IQSEC3: variants seen among roughly 807,000 people sequenced by gnomAD.
IQSEC3 encodes the protein IQ motif and SEC7 domain-containing protein 3.
IQSEC3 carries 50 observed loss-of-function variants against 105.4 expected under a neutral mutation model. The observed-to-expected ratio is 0.47, with a 90% CI of 0.38 to 0.60. The LOEUF (loss-of-function observed/expected upper bound fraction) is 0.60, where lower values mean the gene tolerates loss of function less well. Ranked by LOEUF, IQSEC3 falls within the 20% of genes least tolerant of loss-of-function variation. The pLI is 0.00. For missense variants in IQSEC3, 1,415 were observed against 1,630.0 expected (o/e 0.87, Z 2.27); for synonymous variants, 708 against 746.0 (o/e 0.95, Z 0.83).
chr12:157,507 C>T (rs1555094751), intron 6 of IQSEC3, 21 bp from the exon 7 acceptor site: 2 of 1,602,554 alleles, frequency 1.2e-6, no homozygotes, highest in East Asian at 2.2e-5. Flanking sequence ...AGCGTCCGCT[C>T]TGCATCTGAC....
chr12:83,173 G>GT (rs1863804267), intron 1 of IQSEC3, among the ~76,000 whole-genome samples: 2 of 152,206 alleles, frequency 1.3e-5, no homozygotes, highest in Admixed American at 1.3e-4. Flanking sequence ...GCAGCTGAGC[G>GT]TGGCATTGTC....
chr12:136,400 A>G (rs1220149602), intron 3 of IQSEC3, among the ~76,000 whole-genome samples: 1 of 152,144 alleles, frequency 6.6e-6, no homozygotes, highest in Non-Finnish European at 1.5e-5. Context: ...GCTAGCGTGG[A>G]ATGGGGCACC....
At chr12:128,512 GGGAGGGGT>G (rs571120739) in intron 3 of IQSEC3, among the ~76,000 whole-genome samples, 1,875 of 152,204 alleles carry the variant, frequency 0.012, 24 homozygotes, top group Non-Finnish European at 0.019. Flanking sequence ...TCCATGGCCT[GGGAGGGGT>G]GTTGGACAAT....
chr12:171,452 C>A, intron 13 of IQSEC3: 1 of 786,076 alleles, frequency 1.3e-6, no homozygotes, highest in Non-Finnish European at 2.1e-6. Context: ...CACCCTAGGG[C>A]CATCCTTCCT....
At chr12:128,641 G>C (rs1865494081) in intron 3 of IQSEC3, among the ~76,000 whole-genome samples, 1 of 152,044 alleles carries the variant, frequency 6.6e-6, no homozygotes, top group South Asian at 2.1e-4. Flanking sequence ...CTAGCCCCAA[G>C]CCCCACTGAT....
At chr12:144,449 A>ACCCATC (rs1413559623) in intron 5 of IQSEC3, 9 of 152,240 alleles carry the variant, frequency 5.9e-5, no homozygotes, top group Non-Finnish European at 1.3e-4. Context: ...GATATAAATC[A>ACCCATC]CCCATCCCCT....
At chr12:87,724 A>G (rs927387084) in intron 1 of IQSEC3, among the ~76,000 whole-genome samples, 1 of 152,176 alleles carries the variant, frequency 6.6e-6, no homozygotes, top group Admixed American at 6.5e-5. Flanking sequence ...AAATAATGAC[A>G]CTGAAGACCA....
rs548078997 is a variant in IQSEC3, at chr12:169,205, C to T, written c.3064+100C>T. On this transcript the variant is annotated intron_variant, in intron 12 of 13. Coordinates refer to ENST00000538872, the MANE Select transcript of IQSEC3 (RefSeq NM_001170738.2). ...ATCTGCAGGGAGAGGTGCCCATTCC[C>T]GTGGCGTGTTTCTTCCTGCTGAGGA... 7.2e-4 allele frequency: 678 copies of T among 945,620 alleles called. 4 individuals carry two copies. Among genetic ancestry groups the T allele is most frequent in the Middle Eastern group, 4.1e-3 (14 of 3,434 alleles). 58.6% of individuals were successfully genotyped at this position (945,620 alleles called of 1,614,324 possible).
chr12:164,191 G>A (rs544174310), intron 9 of IQSEC3, among the ~76,000 whole-genome samples: 1 of 152,318 alleles, frequency 6.6e-6, no homozygotes, highest in Admixed American at 6.5e-5. Context: ...CAGGGCTTGT[G>A]TCTCCCTCGC....
intron 2 of IQSEC3, among the ~76,000 whole-genome samples, chr12:116,988 ATC>A (rs1203474393): frequency 2.6e-5 from 4 of 152,212 alleles, no homozygotes; most frequent in Non-Finnish European, 4.4e-5. Context: ...TGTATGTTTC[ATC>A]TCTGTGTTAC....
At chr12:169,499 G>A (rs1189704892) in intron 12 of IQSEC3, among the ~76,000 whole-genome samples, 1 of 152,174 alleles carries the variant, frequency 6.6e-6, no homozygotes, top group Non-Finnish European at 1.5e-5. Context: ...CAGTGTAAGA[G>A]GGCAGGGTGA....
rs991445838 is a variant in IQSEC3, at chr12:174,698, C to T, written c.3214C>T (p.Pro1072Ser). The change falls in exon 14 of 14, where the codon CCG becomes TCG. Residue 1072 changes from proline (P) to serine (S), a missense_variant. By Grantham distance (74) the Pro-to-Ser change is moderately conservative. Transcript: ENST00000538872. Reference sequence around the variant, plus strand: ...GCCGCCAGACCTGCAGCCTAGCCCCCCGAGACAGCAGACCCCACCACTGCC... The same window carrying T: ...GCCGCCAGACCTGCAGCCTAGCCCCTCGAGACAGCAGACCCCACCACTGCC... ...VPPPDLQPSP[P>S]RQQTPPLPPP... 2 of 1,593,642 alleles carry T rather than the reference C, an allele frequency of 1.3e-6. No individual in the cohort carries two copies. The highest frequency in any genetic ancestry group is 2.2e-5 in the East Asian group (1 of 44,778).
At chr12:157,870 G>A (rs113207450) in intron 7 of IQSEC3, among the ~76,000 whole-genome samples, 176 bp downstream of exon 7, 11 of 152,340 alleles carry the variant, frequency 7.2e-5, no homozygotes, top group East Asian at 3.9e-4. Flanking sequence ...GGGAGTTTCC[G>A]GCATGCAGCC....
rs1262073329 is a variant in IQSEC3, at chr12:176,649, C to T, written c.*1616C>T. 2 of 152,238 alleles carry T rather than the reference C, an allele frequency of 1.3e-5. No individual in the cohort carries two copies. 9.4% of individuals were successfully genotyped at this position (152,238 alleles called of 1,614,324 possible). On this transcript the variant is annotated 3_prime_UTR_variant, in exon 14 of 14. Coordinates refer to ENST00000538872, the MANE Select transcript of IQSEC3 (RefSeq NM_001170738.2). This position sits in a 1 kb window ranked among gnomAD's most constrained non-coding sequence, Gnocchi z 4.0. ...GTGTGTGTGTGTGTGGTCACCCAGA[C>T]GTCACTGTGATATCACCTAGTGAAT...
intron 1 of IQSEC3, among the ~76,000 whole-genome samples, chr12:84,564 T>C (rs1377828063): frequency 6.6e-6 from 1 of 152,172 alleles, no homozygotes; most frequent in Non-Finnish European, 1.5e-5. Flanking sequence ...ATGTGCATTG[T>C]TGTAAGAGCT....
chr12:128,555 G>A (rs935720222), intron 3 of IQSEC3, among the ~76,000 whole-genome samples: 6 of 152,070 alleles, frequency 3.9e-5, no homozygotes, highest in Admixed American at 2.6e-4. Flanking sequence ...CCACCGACCC[G>A]CCAAGCCTCC....
At chr12:149,874 A>C (rs1866436673) in intron 5 of IQSEC3, among the ~76,000 whole-genome samples, 1 of 152,026 alleles carries the variant, frequency 6.6e-6, no homozygotes, top group South Asian at 2.1e-4. Flanking sequence ...GCGGCGAGAG[A>C]AGCTGGAAGC....
Position 163,622 on chromosome 12 carries a change from G to A in IQSEC3, c.2709+3G>A, listed in dbSNP as rs1555097210. 2 of 1,443,882 alleles carry A rather than the reference G, an allele frequency of 1.4e-6. No homozygotes were observed. Among genetic ancestry groups the A allele is most frequent in the South Asian group, 2.3e-5 (2 of 87,650 alleles). The allele number at this position is 1,443,882 out of a possible 1,614,324, so 89.4% of individuals were successfully genotyped here. On this transcript the variant is annotated splice_donor_region_variant and intron_variant, in intron 9 of 13. Coordinates refer to ENST00000538872, the MANE Select transcript of IQSEC3 (RefSeq NM_001170738.2). ...TCCTCTTCAATGACCTGCTGGTGGT[G>A]AGTGGCCTCCGCTCCGGGACTGGGC... is the stretch of plus-strand genomic sequence containing the variant.
chr12:177,138 CCG>C lies in IQSEC3; in HGVS notation c.*2106_*2107del, dbSNP rs1162909372. ...CAGCCCTGACCCGCCAGGCAGGACC[CCG>C]TCCCCTGCTCACACAGCTCTTCAAA... On this transcript the variant is annotated 3_prime_UTR_variant, in exon 14 of 14. Transcript: ENST00000538872. The surrounding 1 kb of genome is among the most constrained non-coding windows in gnomAD (Gnocchi z 5.3). 1 of 142,890 alleles carries C rather than the reference CCG, an allele frequency of 7.0e-6. No individual in the cohort carries two copies. Among genetic ancestry groups the C allele is most frequent in the Non-Finnish European group, 1.5e-5 (1 of 66,678 alleles). 8.9% of individuals were successfully genotyped at this position (142,890 alleles called of 1,614,324 possible).
Sources: allele counts gnomAD v4.1 joint callset (sites outside exome capture counted in the v4.1 genomes callset), GRCh38; gene constraint gnomAD v4.1.1; non-coding constraint Gnocchi (gnomAD v3.1); transcripts MANE v1.5; gene names NCBI Gene and HGNC (gene_info 2026-07-23, HGNC 2026-07-21).